The following DLG2 variants were observed in gnomAD, a reference collection of about 807,000 sequenced individuals.
DLG2 encodes disks large homolog 2.
A neutral mutation model predicts 132.5 loss-of-function variants in DLG2; 45 were observed. The ratio of observed to expected loss-of-function variants is 0.34; its 90% confidence interval spans 0.27 to 0.44. The LOEUF is 0.44. Among genes scored for constraint, DLG2 ranks in the 20% least tolerant of loss-of-function variants. The pLI, the probability that DLG2 is intolerant of heterozygous loss-of-function variation, is 1.00. For missense variants in DLG2, 1,045 were observed against 1,196.9 expected (o/e 0.87, Z 1.87); for synonymous variants, 424 against 419.6 (o/e 1.01, Z -0.13).
chr11:84,549,084 C>T (rs1416370778), intron 6 of DLG2, among the ~76,000 whole-genome samples: 1 of 152,076 alleles, frequency 6.6e-6, no homozygotes, highest in African/African-American at 2.4e-5. Flanking sequence ...AGGGTTTATC[C>T]ATGTTCAGTT....
Position 83,871,360 on chromosome 11 carries a change from CA to C in DLG2, c.1565+3059del, listed in dbSNP as rs1388749877. On this transcript the variant is annotated intron_variant, in intron 16 of 27. Coordinates refer to ENST00000376104, the MANE Select transcript of DLG2 (RefSeq NM_001142699.3). ...AGATAGTTTTGTTGTCTCAATGGAT[CA>C]AATTAACTGGAAATCTGAAATATCT... Among the ~76,000 whole-genome samples the C allele has an allele frequency of 3.3e-5, 5 of 152,188 alleles. No individual in the cohort carries two copies. The East Asian group carries it at 9.6e-4, about 29-fold the overall frequency.
intron 7 of DLG2, among the ~76,000 whole-genome samples, chr11:84,449,560 A>G (rs2099045399): frequency 6.6e-6 from 1 of 151,826 alleles, no homozygotes; most frequent in Admixed American, 6.6e-5. Flanking sequence ...TATGTTAAGC[A>G]TCTTTATATG....
intron 26 of DLG2, among the ~76,000 whole-genome samples, chr11:83,462,797 T>G (rs1413912655): frequency 6.6e-6 from 1 of 152,210 alleles, no homozygotes; most frequent in East Asian, 1.9e-4. Context: ...TCCAAAAATT[T>G]GTACAACTAT....
intron 3 of DLG2, among the ~76,000 whole-genome samples, chr11:85,573,014 A>G (rs575641183): frequency 1.3e-5 from 2 of 152,226 alleles, no homozygotes; most frequent in East Asian, 3.9e-4. Context: ...ACAAGACCTG[A>G]TCATTTAAAA....
chr11:84,192,270 A>G (rs1449097612), intron 8 of DLG2, among the ~76,000 whole-genome samples: 1 of 152,240 alleles, frequency 6.6e-6, no homozygotes, highest in Admixed American at 6.5e-5. Context: ...GTTGGCCTCC[A>G]CATAATGGTA....
intron 6 of DLG2, among the ~76,000 whole-genome samples, chr11:84,720,050 C>G (rs940108062): frequency 1.3e-5 from 2 of 152,114 alleles, no homozygotes; most frequent in African/African-American, 2.4e-5. Context: ...CGAGCTGCAT[C>G]TGCTCTTGTA....
intron 3 of DLG2, among the ~76,000 whole-genome samples, chr11:85,310,596 G>C (rs908616421): frequency 2.6e-5 from 4 of 152,144 alleles, no homozygotes; most frequent in Non-Finnish European, 4.4e-5. Context: ...AGAAAAACTA[G>C]AAAAATCAGA....
chr11:83,832,854 C>T (rs2054953666), intron 17 of DLG2, among the ~76,000 whole-genome samples: 1 of 152,096 alleles, frequency 6.6e-6, no homozygotes. Flanking sequence ...CAACTTAGTA[C>T]CATCAGCAAA....
At chr11:84,444,342 A>ACCTGCACAT (rs2099026607) in intron 7 of DLG2, among the ~76,000 whole-genome samples, 1 of 152,184 alleles carries the variant, frequency 6.6e-6, no homozygotes, top group South Asian at 2.1e-4. Flanking sequence ...TATGTAACAA[A>ACCTGCACAT]CCTGCACATC....
intron 21 of DLG2, among the ~76,000 whole-genome samples, chr11:83,498,028 C>T (rs945161931): frequency 2.0e-5 from 3 of 151,778 alleles, no homozygotes; most frequent in Non-Finnish European, 4.4e-5. Context: ...ATACAAATAT[C>T]CCTTAGTATT....
rs550989534 is a variant in DLG2 at position 84,679,851 on chromosome 11, G to T, written c.358-145120C>A. ...CCAGACCCCAGACTCTTATGAAAAA[G>T]AATAAATATTGGGTTTGGGACAATT... On this transcript the variant is annotated intron_variant, in intron 6 of 27. Transcript: ENST00000376104. 1.3e-4 allele frequency among the ~76,000 whole-genome samples: 20 copies of T among 152,132 alleles called. 2 individuals are homozygous for T. Among genetic ancestry groups the T allele is most frequent in the Admixed American group, 9.8e-4 (15 of 15,278 alleles).
intron 19 of DLG2, among the ~76,000 whole-genome samples, chr11:83,564,476 G>C (rs564106464): frequency 6.6e-6 from 1 of 152,188 alleles, no homozygotes; most frequent in Non-Finnish European, 1.5e-5. Context: ...CAGGATCTAA[G>C]TTTCATTTTC....
chr11:85,293,463 C>T (rs914909482), intron 3 of DLG2, among the ~76,000 whole-genome samples: 1 of 152,072 alleles, frequency 6.6e-6, no homozygotes, highest in Admixed American at 6.6e-5. Context: ...CACGGGGAGC[C>T]TCCTGTTATC....
intron 4 of DLG2, among the ~76,000 whole-genome samples, chr11:85,207,076 C>T (rs575287356): frequency 5.9e-5 from 9 of 152,272 alleles, no homozygotes; most frequent in African/African-American, 2.2e-4. Flanking sequence ...ATTCAATTTG[C>T]TGTCTCATCA....
intron 6 of DLG2, among the ~76,000 whole-genome samples, chr11:84,540,532 C>A (rs907784140): frequency 1.3e-5 from 2 of 152,064 alleles, no homozygotes; most frequent in East Asian, 3.9e-4. Flanking sequence ...CATTAAAAGT[C>A]AGGAAACAAC....
chr11:84,412,401 A>G (rs1411016395), intron 7 of DLG2, among the ~76,000 whole-genome samples: 3 of 152,066 alleles, frequency 2.0e-5, no homozygotes, highest in Non-Finnish European at 4.4e-5. Context: ...ATTGACATAT[A>G]GATGGAAATG....
intron 18 of DLG2, among the ~76,000 whole-genome samples, chr11:83,634,116 G>A (rs1472117348): frequency 2.0e-5 from 3 of 152,068 alleles, no homozygotes; most frequent in African/African-American, 7.2e-5. Context: ...AATTTTGTTA[G>A]GGGGTGGGGG....
chr11:84,778,725 T>C (rs910951441), intron 6 of DLG2, among the ~76,000 whole-genome samples: 2 of 152,180 alleles, frequency 1.3e-5, no homozygotes, highest in Non-Finnish European at 2.9e-5. Flanking sequence ...TTTTTGGATG[T>C]ATCTGGGTGT....
intron 3 of DLG2, among the ~76,000 whole-genome samples, chr11:85,395,676 C>A (rs1200297558): frequency 1.3e-5 from 2 of 152,050 alleles, no homozygotes; most frequent in Middle Eastern, 3.2e-3. Flanking sequence ...CTGAGATTGA[C>A]CTGCAATGCT....
Sources: gnomAD v4.1 joint callset for allele counts (sites outside exome capture counted in the v4.1 genomes callset) on GRCh38, gnomAD v4.1.1 for gene constraint, MANE v1.5 for transcripts, NCBI Gene and HGNC (gene_info 2026-07-23, HGNC 2026-07-21) for gene names.